AOPEP: variants seen among roughly 807,000 people sequenced by gnomAD.
The protein encoded by AOPEP is aminopeptidase O (putative).
AOPEP carries 77 observed loss-of-function variants against 98.1 expected under a neutral mutation model. The observed-to-expected ratio is 0.78, with a 90% confidence interval of 0.65 to 0.95. The LOEUF (loss-of-function observed/expected upper bound fraction) is 0.95, where lower values mean the gene tolerates loss of function less well. AOPEP is among the 40% of genes least tolerant of loss of function. AOPEP has a pLI of 0.00. For synonymous variants in AOPEP, 346 were observed against 365.3 expected, an observed-to-expected ratio of 0.95 and a Z score of 0.60; for missense variants, 1,024 against 1,024.7, an observed-to-expected ratio of 1.00 and a Z score of 0.01.
intron 13 of AOPEP, among the ~76,000 whole-genome samples, chr9:95,018,282 C>A (rs1294071378): frequency 6.6e-6 from 1 of 152,206 alleles, no homozygotes. Flanking sequence ...TTCTCTGCCT[C>A]CTTGTCAGCT....
intron 13 of AOPEP, among the ~76,000 whole-genome samples, chr9:95,011,343 G>T (rs546878506): frequency 1.8e-4 from 28 of 151,706 alleles, no homozygotes; most frequent in Middle Eastern, 6.8e-3. Flanking sequence ...CTACAGGCAC[G>T]TGCCACCACG....
chr9:94,965,088 T>C (rs1041678509), intron 9 of AOPEP, among the ~76,000 whole-genome samples: 1 of 152,218 alleles, frequency 6.6e-6, no homozygotes, highest in Non-Finnish European at 1.5e-5. Flanking sequence ...TGCAAAATAA[T>C]TTTTAAGTAA....
At chr9:94,951,668 G>A (rs552040644) in intron 7 of AOPEP, among the ~76,000 whole-genome samples, 1 of 152,322 alleles carries the variant, frequency 6.6e-6, no homozygotes, top group Admixed American at 6.5e-5. Context: ...TAAACAAATG[G>A]TAGTTATCTT....
intron 7 of AOPEP, among the ~76,000 whole-genome samples, chr9:94,953,548 A>C (rs78537152): frequency 0.041 from 6,306 of 152,238 alleles, 447 homozygotes; most frequent in African/African-American, 0.14. Context: ...GTATTATTTC[A>C]GTTATTCTCT....
intron 6 of AOPEP, among the ~76,000 whole-genome samples, chr9:94,927,770 T>C (rs1313081268): frequency 6.6e-6 from 1 of 152,212 alleles, no homozygotes; most frequent in African/African-American, 2.4e-5. Flanking sequence ...TCAGGAAAGT[T>C]TGATTTCCAG....
chr9:94,839,186 C>A (rs910384869), intron 5 of AOPEP, among the ~76,000 whole-genome samples: 1 of 148,276 alleles, frequency 6.7e-6, no homozygotes, highest in Admixed American at 6.7e-5. Flanking sequence ...CCCGGGTTCA[C>A]GCCATTCTCC....
In AOPEP at chr9:95,083,866, C is replaced by CT. The variant is rs1385047146; in HGVS notation, c.*4+1148dup. ...TTCTCCCCTGGCTTCTATTGGAGTC[C>CT]TAGATTATTTAAATCACTTCCTCTG... is the stretch of plus-strand genomic sequence containing the variant. On this transcript the variant is annotated intron_variant, in intron 16 of 16. Transcript: ENST00000375315. Among the ~76,000 whole-genome samples, 76 of 152,198 alleles carry CT rather than the reference C, an allele frequency of 5.0e-4. 4 individuals are homozygous for CT. The highest frequency in any genetic ancestry group is 4.4e-5 in the Non-Finnish European group (3 of 68,040).
intron 5 of AOPEP, among the ~76,000 whole-genome samples, chr9:94,840,774 T>C (rs2042177114): frequency 6.6e-6 from 1 of 152,190 alleles, no homozygotes; most frequent in South Asian, 2.1e-4. Context: ...GTTGAATTTA[T>C]CTGTATAGAG....
intron 13 of AOPEP, among the ~76,000 whole-genome samples, chr9:95,006,944 C>T (rs903470581): frequency 6.7e-6 from 1 of 149,042 alleles, no homozygotes; most frequent in African/African-American, 2.5e-5. Context: ...CTCTGTCACC[C>T]AGGCTGGAGT....
chr9:94,770,492 G>T (rs1428966269), intron 2 of AOPEP, among the ~76,000 whole-genome samples: 1 of 152,128 alleles, frequency 6.6e-6, no homozygotes, highest in East Asian at 1.9e-4. Flanking sequence ...GCCAGGAGCT[G>T]GAAAATCCTC....
In AOPEP at chr9:95,038,923, G is replaced by A. The variant is rs138552066; in HGVS notation, c.2116-21771G>A. Among the ~76,000 whole-genome samples, 9 of 152,248 alleles carry A rather than the reference G, an allele frequency of 5.9e-5. No individual in the cohort carries two copies. The East Asian group carries it at 1.7e-3, about 29-fold the overall frequency. On this transcript the variant is annotated intron_variant, in intron 13 of 16. Coordinates refer to ENST00000375315, the MANE Select transcript of AOPEP (RefSeq NM_001193329.3). The stretch of plus-strand genomic sequence containing the variant: ...GAAATTGGGACTTACGGATAACCTC[G>A]ATGAGTTCACAGATGAGGCGGGCTT...
At chr9:95,117,364 A>G in the AOPEP span, 4 of 1,614,118 alleles carry the variant, frequency 2.5e-6, no homozygotes, top group Admixed American at 5.0e-5. Context: ...AAGTGTAAGG[A>G]AAGTAGGTCT....
intron 11 of AOPEP, chr9:95,004,280 T>C: frequency 2.2e-6 from 1 of 456,740 alleles, no homozygotes; most frequent in Non-Finnish European, 4.4e-6. Flanking sequence ...TCGCACATTT[T>C]TATAAAGTAA....
At chr9:94,840,504 C>T (rs549014669) in intron 5 of AOPEP, among the ~76,000 whole-genome samples, 1 of 152,112 alleles carries the variant, frequency 6.6e-6, no homozygotes, top group African/African-American at 2.4e-5. Flanking sequence ...TAATTCTGGC[C>T]TTATAAACTG....
At chr9:94,776,611 T>C (rs1039380602) in intron 3 of AOPEP, among the ~76,000 whole-genome samples, 2 of 152,226 alleles carry the variant, frequency 1.3e-5, no homozygotes, top group Admixed American at 1.3e-4. Flanking sequence ...CTTTCCTCAT[T>C]ATGTTATGGC....
intron 3 of AOPEP, among the ~76,000 whole-genome samples, chr9:94,780,254 C>G (rs1588171285): frequency 6.6e-6 from 1 of 152,172 alleles, no homozygotes; most frequent in African/African-American, 2.4e-5. Context: ...ATTCATCTGT[C>G]TGTCTGTTGT....
intron 5 of AOPEP, among the ~76,000 whole-genome samples, chr9:94,812,426 A>AC (rs762203943): frequency 6.6e-5 from 10 of 152,100 alleles, no homozygotes; most frequent in African/African-American, 9.7e-5. Flanking sequence ...GAAGTGCATC[A>AC]CACTGTCTCG....
chr9:95,122,231 T>C, the AOPEP span, among the ~76,000 whole-genome samples: 175 of 152,262 alleles, frequency 1.1e-3, 1 homozygote, highest in South Asian at 0.013. Flanking sequence ...TATATTCAGA[T>C]TATTAGATAT....
chr9:95,007,573 G>C (rs1329978411), intron 13 of AOPEP, among the ~76,000 whole-genome samples: 1 of 152,188 alleles, frequency 6.6e-6, no homozygotes, highest in Admixed American at 6.5e-5. Context: ...CCAACATTCA[G>C]AACTTCCTTT....
Sources: allele counts gnomAD v4.1 joint callset (sites outside exome capture counted in the v4.1 genomes callset), GRCh38; gene constraint gnomAD v4.1.1; transcripts MANE v1.5; gene names NCBI Gene and HGNC (gene_info 2026-07-23, HGNC 2026-07-21).